RYR3: variants seen among roughly 807,000 people sequenced by gnomAD.
RYR3 encodes ryanodine receptor 3.
RYR3 carries 207 observed loss-of-function variants against 584.3 expected under a neutral mutation model. The ratio of observed to expected loss-of-function variants is 0.35; its 90% CI spans 0.32 to 0.40. RYR3 has a LOEUF of 0.40. Ranked by LOEUF, RYR3 falls within the 10% of genes least tolerant of loss-of-function variation. The pLI, the probability that RYR3 is intolerant of heterozygous loss-of-function variation, is 1.00. For synonymous variants in RYR3, 2,416 were observed against 2,248.5 expected (o/e 1.07, Z -2.11); for missense variants, 5,616 against 6,089.2 (o/e 0.92, Z 2.59).
intron 1 of RYR3, among the ~76,000 whole-genome samples, chr15:33,316,465 A>G (rs1309746927): frequency 6.6e-6 from 1 of 152,232 alleles, no homozygotes; most frequent in Non-Finnish European, 1.5e-5. Context: ...TCATATCAGT[A>G]TAAACCTTTC....
rs561575351 is a variant in RYR3 at position 33,394,476 on chromosome 15, C to T, written c.52-78943C>T. 8.5e-5 allele frequency among the ~76,000 whole-genome samples: 13 copies of T among 152,274 alleles called. No homozygotes were observed. The South Asian group carries it at 2.7e-3, about 32-fold the overall frequency. On this transcript the variant is annotated intron_variant, in intron 1 of 103. Transcript: ENST00000634891. The stretch of plus-strand genomic sequence containing the variant: ...GGTTTAGATTGGCCCAGACTGTATA[C>T]CTTTGGTGTTTAGGTGTGGGAGCAA...
At chr15:33,831,153 A>C (rs147360005) in intron 86 of RYR3, 62 bp downstream of exon 86, 11 of 1,474,954 alleles carry the variant, frequency 7.5e-6, no homozygotes, top group African/African-American at 1.4e-5. Flanking sequence ...CCTGTATTCT[A>C]TATTCCCTAC....
At chr15:33,477,594 G>A (rs1350309701) in intron 2 of RYR3, among the ~76,000 whole-genome samples, 9 of 69,890 alleles carry the variant, frequency 1.3e-4, no homozygotes, top group South Asian at 8.0e-4. Flanking sequence ...AAAAAAAAAA[G>A]GCTGGGCGCG....
At chr15:33,716,375 A>G (rs984150078) in intron 43 of RYR3, among the ~76,000 whole-genome samples, 1 of 152,158 alleles carries the variant, frequency 6.6e-6, no homozygotes, top group Admixed American at 6.6e-5. Flanking sequence ...ACAGTCTTGC[A>G]TACCCTACCT....
At chr15:33,726,252 G>T in intron 45 of RYR3, 134 bp from the exon 46 acceptor site, 1 of 912,048 alleles carries the variant, frequency 1.1e-6, no homozygotes, top group Non-Finnish European at 1.7e-6. Flanking sequence ...GGCCACAAGT[G>T]TCTGTAGCAA....
chr15:33,378,223 A>G (rs1595899374), intron 1 of RYR3, among the ~76,000 whole-genome samples: 1 of 152,354 alleles, frequency 6.6e-6, no homozygotes, highest in Non-Finnish European at 1.5e-5. Flanking sequence ...TGGGGGAGCC[A>G]GTCCAGCCCA....
chr15:33,654,938 C>G (rs1205373653), intron 32 of RYR3, among the ~76,000 whole-genome samples: 1 of 152,228 alleles, frequency 6.6e-6, no homozygotes, highest in Non-Finnish European at 1.5e-5. Context: ...AGACAGCAGA[C>G]AGAGTAGCCA....
At chr15:33,634,302 C>T (rs1264804799) in intron 24 of RYR3, among the ~76,000 whole-genome samples, 4 of 152,172 alleles carry the variant, frequency 2.6e-5, no homozygotes, top group Non-Finnish European at 5.9e-5. Flanking sequence ...CCACCCACCT[C>T]GGCCTCCCAA....
At chr15:33,663,000 T>C (rs1168052554) in intron 35 of RYR3, 52 bp downstream of exon 35, 2 of 1,501,312 alleles carry the variant, frequency 1.3e-6, no homozygotes, top group Non-Finnish European at 1.8e-6. Context: ...TCTGCTTTGA[T>C]CAAAATATCA....
At position 33,693,309 on chromosome 15, in the gene RYR3, A is replaced by G. The variant is rs113238252; in HGVS notation, c.5861-2909A>G. ...TCCATGCTACCATGCCTGCGCCACCACTCCAGCAGCGCCCAGGTCCTGTGC... is the reference window on the plus strand; with the variant it reads ...TCCATGCTACCATGCCTGCGCCACCGCTCCAGCAGCGCCCAGGTCCTGTGC... On this transcript the variant is annotated intron_variant, in intron 38 of 103. Transcript: ENST00000634891. 6.9e-3 allele frequency among the ~76,000 whole-genome samples: 1,053 copies of G among 152,038 alleles called. 11 individuals are homozygous for G. The highest frequency in any genetic ancestry group is 0.024 in the African/African-American group (990 of 41,474).
intron 60 of RYR3, among the ~76,000 whole-genome samples, 200 bp from the exon 61 acceptor site, chr15:33,768,458 C>T (rs1251304064): frequency 6.6e-6 from 1 of 152,212 alleles, no homozygotes; most frequent in Non-Finnish European, 1.5e-5. Flanking sequence ...AGGTACCTTT[C>T]ATGATTCTCC....
chr15:33,517,111 C>T (rs1246516707), intron 3 of RYR3, among the ~76,000 whole-genome samples: 1 of 152,198 alleles, frequency 6.6e-6, no homozygotes, highest in Non-Finnish European at 1.5e-5. Context: ...TCTCCTGCCT[C>T]AGCCTCCCAA....
At chr15:33,543,361 GGC>G (rs2055982540) in intron 7 of RYR3, among the ~76,000 whole-genome samples, 1 of 151,988 alleles carries the variant, frequency 6.6e-6, no homozygotes, top group Admixed American at 6.6e-5. Context: ...GATATCAATT[GGC>G]ACACTATTTT....
chr15:33,330,392 A>G (rs553806034), intron 1 of RYR3, among the ~76,000 whole-genome samples: 1 of 152,080 alleles, frequency 6.6e-6, no homozygotes, highest in Non-Finnish European at 1.5e-5. Flanking sequence ...AGCAGTTGCC[A>G]TCATGCCATT....
At chr15:33,860,929 AATGTATGG>A in intron 101 of RYR3, 141 bp from the exon 102 acceptor site, 1 of 575,294 alleles carries the variant, frequency 1.7e-6, no homozygotes, top group Non-Finnish European at 2.9e-6. Context: ...ACTAATAGCC[AATGTATGG>A]CACTACTGAG....
At position 33,747,577 on chromosome 15, in the gene RYR3, A is replaced by C. The variant is rs1362659055; in HGVS notation, c.7990-537A>C. 2.6e-5 allele frequency among the ~76,000 whole-genome samples: 4 copies of C among 152,094 alleles called. No homozygotes were observed. The East Asian group carries it at 7.8e-4, about 30-fold the overall frequency. The stretch of plus-strand genomic sequence containing the variant: ...GTAGCTGGGACTACAGGCATGCACC[A>C]CTACGCACAGCTAATTTTTGAGTTT... On this transcript the variant is annotated intron_variant, in intron 53 of 103. Transcript: ENST00000634891.
intron 31 of RYR3, among the ~76,000 whole-genome samples, chr15:33,649,920 C>A (rs561494065): frequency 2.3e-4 from 35 of 152,330 alleles, no homozygotes; most frequent in Admixed American, 3.9e-4. Flanking sequence ...CCTATACAGC[C>A]ATATGTAGCG....
intron 1 of RYR3, among the ~76,000 whole-genome samples, chr15:33,319,263 T>G (rs1968621479): frequency 1.3e-5 from 2 of 152,168 alleles, no homozygotes; most frequent in Admixed American, 1.3e-4. Context: ...AGATCCAGAC[T>G]GTAAATAATA....
At chr15:33,841,156 G>T (rs564512457) in intron 90 of RYR3, among the ~76,000 whole-genome samples, 1 of 152,106 alleles carries the variant, frequency 6.6e-6, no homozygotes, top group East Asian at 1.9e-4. Flanking sequence ...GGTCGAGGCT[G>T]CAGTGAGCCA....
Sources: allele counts gnomAD v4.1 joint callset (sites outside exome capture counted in the v4.1 genomes callset), GRCh38; gene constraint gnomAD v4.1.1; transcripts MANE v1.5; gene names NCBI Gene and HGNC (gene_info 2026-07-23, HGNC 2026-07-21).